UVRAG: variants seen among roughly 807,000 people sequenced by gnomAD.
UVRAG encodes UV radiation resistance associated.
In UVRAG, 19 loss-of-function variants were observed where a neutral mutation model predicts 78.0. That is an observed-to-expected ratio of 0.24 (90% CI 0.17 to 0.36). UVRAG has a LOEUF of 0.36. UVRAG is among the 10% of genes least tolerant of loss of function. UVRAG has a pLI of 1.00. For missense variants in UVRAG, 740 were observed against 853.8 expected (o/e 0.87, Z 1.66); for synonymous variants, 323 against 324.6 (o/e 1.00, Z 0.05).
chr11:75,936,365 A>G (rs1675838380), intron 6 of UVRAG, among the ~76,000 whole-genome samples: 1 of 152,222 alleles, frequency 6.6e-6, no homozygotes, highest in Non-Finnish European at 1.5e-5. Flanking sequence ...TCTTGGCTAA[A>G]TTAATTTTTT....
intron 13 of UVRAG, among the ~76,000 whole-genome samples, chr11:76,070,895 T>C (rs1340196490): frequency 6.6e-6 from 1 of 152,200 alleles, no homozygotes; most frequent in African/African-American, 2.4e-5. Context: ...TGAAAAAGTT[T>C]TGGAAATAGG....
chr11:75,821,618 G>A (rs1266979718), intron 1 of UVRAG, among the ~76,000 whole-genome samples: 1 of 152,160 alleles, frequency 6.6e-6, no homozygotes, highest in African/African-American at 2.4e-5. Flanking sequence ...ATTACAGCAT[G>A]AGCCACCACA....
rs568433472 is a variant in UVRAG at position 75,877,562 on chromosome 11, A to ACC, written c.271-2310_271-2309dup. Among the ~76,000 whole-genome samples the ACC allele has an allele frequency of 9.6e-5, 9 of 93,902 alleles. 1 individual carries two copies. In the South Asian group the frequency reaches 1.6e-3, roughly 17 times the overall value. The allele number at this position is 93,902 out of a possible 152,430, so 61.6% of individuals were successfully genotyped here. ...GGGTGGCTGGCCGGGCGGGGGGCTG[A>ACC]CCCCCCCCACCTCCCTCCCGTACGG... On this transcript the variant is annotated intron_variant, in intron 3 of 14. Coordinates refer to ENST00000356136, the MANE Select transcript of UVRAG (RefSeq NM_003369.4).
chr11:75,848,758 A>T (rs529153271), intron 1 of UVRAG, among the ~76,000 whole-genome samples: 9 of 152,356 alleles, frequency 5.9e-5, no homozygotes, highest in African/African-American at 2.2e-4. Flanking sequence ...TATATGTAGT[A>T]TTTAGATGGA....
intron 6 of UVRAG, among the ~76,000 whole-genome samples, chr11:75,918,163 G>A (rs1246147198): frequency 2.7e-5 from 4 of 146,438 alleles, no homozygotes; most frequent in Non-Finnish European, 5.9e-5. Context: ...TCAGGAGATC[G>A]AGACCATCCT....
intron 3 of UVRAG, among the ~76,000 whole-genome samples, chr11:75,876,701 A>AG (rs1376713248): frequency 6.6e-6 from 1 of 151,268 alleles, no homozygotes; most frequent in Non-Finnish European, 1.5e-5. Flanking sequence ...TCAGGAAAAA[A>AG]AAAAAAACTG....
intron 13 of UVRAG, 117 bp from the exon 14 acceptor site, chr11:76,115,807 A>G: frequency 1.1e-6 from 1 of 903,452 alleles, no homozygotes; most frequent in Non-Finnish European, 1.7e-6. Context: ...TGATAATAGT[A>G]TCAAACATTT....
chr11:76,002,097 T>C (rs1247495539), intron 8 of UVRAG, among the ~76,000 whole-genome samples: 1 of 152,182 alleles, frequency 6.6e-6, no homozygotes, highest in Non-Finnish European at 1.5e-5. Flanking sequence ...GTTGGTAATA[T>C]AAAACCTGAA....
intron 3 of UVRAG, among the ~76,000 whole-genome samples, chr11:75,865,473 A>G (rs1239091231): frequency 6.6e-6 from 1 of 152,196 alleles, no homozygotes; most frequent in Non-Finnish European, 1.5e-5. Flanking sequence ...CACTGGCCAC[A>G]TGTGGCCATT....
At chr11:75,872,239 T>C (rs1946667628) in intron 3 of UVRAG, among the ~76,000 whole-genome samples, 1 of 152,180 alleles carries the variant, frequency 6.6e-6, no homozygotes, top group Non-Finnish European at 1.5e-5. Context: ...ATTCAACCTT[T>C]TCTCAACAAG....
At chr11:76,074,684 G>A (rs1245993173) in intron 13 of UVRAG, among the ~76,000 whole-genome samples, 1 of 152,144 alleles carries the variant, frequency 6.6e-6, no homozygotes, top group African/African-American at 2.4e-5. Context: ...TAAATGGCAA[G>A]CAATTCAAAA....
At chr11:76,102,904 G>C (rs138803122) in intron 13 of UVRAG, among the ~76,000 whole-genome samples, 7 of 152,266 alleles carry the variant, frequency 4.6e-5, no homozygotes, top group Non-Finnish European at 8.8e-5. Context: ...CAGAATCAAC[G>C]TGTTGGCCAG....
chr11:75,896,003 A>G (rs1947336965), intron 5 of UVRAG, among the ~76,000 whole-genome samples: 1 of 152,260 alleles, frequency 6.6e-6, no homozygotes, highest in Admixed American at 6.5e-5. Flanking sequence ...ATAAGACAGT[A>G]TATATTCCAG....
intron 3 of UVRAG, 140 bp from the exon 4 acceptor site, chr11:75,879,739 C>G (rs1349786272): frequency 6.5e-6 from 7 of 1,070,796 alleles, no homozygotes; most frequent in Non-Finnish European, 9.4e-6. Flanking sequence ...ATTGTAATGT[C>G]TTCTTGGCTT....
rs1413465511 is a variant in UVRAG, at chr11:76,100,864, G to C, written c.1306-15060G>C. Among the ~76,000 whole-genome samples, 5 of 151,984 alleles carry C rather than the reference G, an allele frequency of 3.3e-5. No individual in the cohort carries two copies. In the East Asian group the frequency reaches 9.6e-4, roughly 29 times the overall value. Reference sequence around the variant, plus strand: ...TGCAAGTGAGAACATGTGGTATTTGGTTTTCTCATCCTGCGTTAGTTTGCC... The same window carrying C: ...TGCAAGTGAGAACATGTGGTATTTGCTTTTCTCATCCTGCGTTAGTTTGCC... On this transcript the variant is annotated intron_variant, in intron 13 of 14. Coordinates refer to ENST00000356136, the MANE Select transcript of UVRAG (RefSeq NM_003369.4).
intron 5 of UVRAG, among the ~76,000 whole-genome samples, chr11:75,901,194 C>CA (rs1372648483): frequency 6.6e-6 from 1 of 152,050 alleles, no homozygotes; most frequent in Non-Finnish European, 1.5e-5. Flanking sequence ...TGTAGTCATA[C>CA]AAACAAACAC....
chr11:75,872,643 T>G (rs1400375169), intron 3 of UVRAG, among the ~76,000 whole-genome samples: 1 of 152,052 alleles, frequency 6.6e-6, no homozygotes, highest in African/African-American at 2.4e-5. Flanking sequence ...TGCCTCAGCC[T>G]CCCAAAGTGC....
rs1000085686 is a variant in UVRAG, at chr11:76,079,800, A to G, written c.1305+14012A>G. On this transcript the variant is annotated intron_variant, in intron 13 of 14. Coordinates refer to ENST00000356136, the MANE Select transcript of UVRAG (RefSeq NM_003369.4). ...AACTCTAGCATAAGGAAATAATTCTAACTTCCTGAAAACAGTTAAATATGT... is the reference window on the plus strand; with the variant it reads ...AACTCTAGCATAAGGAAATAATTCTGACTTCCTGAAAACAGTTAAATATGT... 2.6e-5 allele frequency among the ~76,000 whole-genome samples: 4 copies of G among 152,256 alleles called. No homozygotes were observed. In the South Asian group the frequency reaches 6.2e-4, roughly 24 times the overall value.
intron 6 of UVRAG, among the ~76,000 whole-genome samples, chr11:75,939,528 GA>G (rs1948440932): frequency 6.6e-6 from 1 of 152,050 alleles, no homozygotes; most frequent in Non-Finnish European, 1.5e-5. Flanking sequence ...CAGTGTTCTT[GA>G]ATAACCCCCA....
Sources: allele counts gnomAD v4.1 joint callset (sites outside exome capture counted in the v4.1 genomes callset), GRCh38; gene constraint gnomAD v4.1.1; transcripts MANE v1.5; gene names NCBI Gene and HGNC (gene_info 2026-07-23, HGNC 2026-07-21).